ANKRD44: variants seen among roughly 807,000 people sequenced by gnomAD.
The protein encoded by ANKRD44 is ankyrin repeat domain 44.
Under a neutral mutation model 116.0 loss-of-function variants are expected in ANKRD44, and 35 were observed. The ratio of observed to expected loss-of-function variants is 0.30; its 90% CI spans 0.23 to 0.40. The LOEUF (loss-of-function observed/expected upper bound fraction) is 0.40. Ranked by LOEUF, ANKRD44 falls within the 10% of genes least tolerant of loss-of-function variation. The pLI, the probability that ANKRD44 is intolerant of heterozygous loss-of-function variation, is 1.00. For synonymous variants in ANKRD44, 435 were observed against 461.8 expected (o/e 0.94, Z 0.74); for missense variants, 1,014 against 1,242.6 (o/e 0.82, Z 2.77).
At chr2:197,136,199 TA>T in intron 4 of ANKRD44, 1 of 203,264 alleles carries the variant, frequency 4.9e-6, no homozygotes, top group Non-Finnish European at 1.0e-5. Context: ...CCTGGCCTGC[TA>T]AGTCCTTACT....
At chr2:197,075,804 C>T (rs2077653389) in intron 16 of ANKRD44, among the ~76,000 whole-genome samples, 1 of 152,184 alleles carries the variant, frequency 6.6e-6, no homozygotes, top group Non-Finnish European at 1.5e-5. Flanking sequence ...ACAGGAGCCA[C>T]AAACCATGAA....
chr2:197,278,438 C>G (rs1283846283), intron 1 of ANKRD44, among the ~76,000 whole-genome samples: 3 of 151,034 alleles, frequency 2.0e-5, no homozygotes, highest in Non-Finnish European at 4.4e-5. Context: ...CTCACTGCAA[C>G]CTCCACCTCC....
chr2:197,141,218 A>AATAC (rs1043282477), intron 3 of ANKRD44, among the ~76,000 whole-genome samples: 27 of 152,218 alleles, frequency 1.8e-4, no homozygotes, highest in Non-Finnish European at 2.8e-4. Flanking sequence ...CTCTATCTCA[A>AATAC]ATACATACAT....
chr2:197,256,540 A>G lies in ANKRD44; in HGVS notation c.27+54038T>C, dbSNP rs149341209. Among the ~76,000 whole-genome samples the G allele has an allele frequency of 3.9e-5, 6 of 152,344 alleles. 1 individual carries two copies. Among genetic ancestry groups the G allele is most frequent in the Non-Finnish European group, 8.8e-5 (6 of 68,030 alleles). On this transcript the variant is annotated intron_variant, in intron 1 of 27. Transcript: ENST00000282272. ...GTCTTTACACCAGGAAATAAATCAA[A>G]TTGAGACAGATGAACAGGAAAAAAA...
At chr2:197,105,626 C>T (rs888943758) in intron 9 of ANKRD44, among the ~76,000 whole-genome samples, 1 of 152,118 alleles carries the variant, frequency 6.6e-6, no homozygotes, top group African/African-American at 2.4e-5. Context: ...TGAGCATGTA[C>T]TAATTTTATA....
chr2:197,059,075 G>A (rs1235273475), intron 16 of ANKRD44, among the ~76,000 whole-genome samples: 1 of 152,068 alleles, frequency 6.6e-6, no homozygotes, highest in Non-Finnish European at 1.5e-5. Context: ...ATATTATCAT[G>A]GTGGTAATTT....
chr2:197,181,673 C>G (rs531863855), intron 2 of ANKRD44, among the ~76,000 whole-genome samples: 4 of 152,308 alleles, frequency 2.6e-5, no homozygotes, highest in African/African-American at 9.6e-5. Flanking sequence ...TATGTGCTAC[C>G]ATATTAGTCA....
chr2:196,994,472 C>T (rs532434649), intron 26 of ANKRD44: 3 of 151,902 alleles, frequency 2.0e-5, no homozygotes, highest in Admixed American at 1.3e-4. Flanking sequence ...AGGCATGAGC[C>T]ACGACACCCA....
In ANKRD44 at chr2:197,267,150, T is replaced by C. The variant is rs182318254; in HGVS notation, c.27+43428A>G. ...GCTATTTTAGGTAGACATCTTAAAATGTATAGTAGCATTCTTCCTTACCAT... is the reference window on the plus strand; with the variant it reads ...GCTATTTTAGGTAGACATCTTAAAACGTATAGTAGCATTCTTCCTTACCAT... On this transcript the variant is annotated intron_variant, in intron 1 of 27. Coordinates refer to ENST00000282272, the MANE Select transcript of ANKRD44 (RefSeq NM_001195144.2). Among the ~76,000 whole-genome samples the C allele has an allele frequency of 1.8e-3, 279 of 152,358 alleles. 1 individual carries two copies. The highest frequency in any genetic ancestry group is 3.0e-3 in the Non-Finnish European group (202 of 68,022).
At chr2:197,177,582 TTGTGTGTGTGTTTG>T (rs1559126824) in intron 2 of ANKRD44, among the ~76,000 whole-genome samples, 2 of 152,050 alleles carry the variant, frequency 1.3e-5, no homozygotes, top group Non-Finnish European at 2.9e-5. Context: ...TCTCGTGAGT[TTGTGTGTGTGTTTG>T]TGTGTGTGTG....
intron 4 of ANKRD44, among the ~76,000 whole-genome samples, chr2:197,130,788 G>GT (rs1042099604): frequency 1.3e-5 from 2 of 152,162 alleles, no homozygotes; most frequent in Non-Finnish European, 2.9e-5. Flanking sequence ...TAATGATCAT[G>GT]TTTTTTAGAG....
chr2:197,196,591 G>T (rs759753491), intron 1 of ANKRD44, among the ~76,000 whole-genome samples: 9 of 152,090 alleles, frequency 5.9e-5, no homozygotes, highest in Non-Finnish European at 1.3e-4. Context: ...AGAAATGAAA[G>T]GTACTCTCAG....
chr2:197,159,417 A>G (rs2079902949), intron 2 of ANKRD44, among the ~76,000 whole-genome samples: 1 of 152,182 alleles, frequency 6.6e-6, no homozygotes. Context: ...ACTTTGTTTG[A>G]CTGTGTTTCA....
intron 27 of ANKRD44, among the ~76,000 whole-genome samples, chr2:196,991,695 C>T (rs1289923566): frequency 6.6e-6 from 1 of 152,070 alleles, no homozygotes; most frequent in Non-Finnish European, 1.5e-5. Context: ...ATCCTCCCAC[C>T]TCAGCCTCCC....
chr2:197,201,798 A>G lies in ANKRD44; in HGVS notation c.28-14692T>C, dbSNP rs535782890. Among the ~76,000 whole-genome samples the G allele has an allele frequency of 3.9e-5, 6 of 152,322 alleles. No homozygotes were observed. Among genetic ancestry groups the G allele is most frequent in the African/African-American group, 1.4e-4 (6 of 41,564 alleles). ...GCCCAAGTAGTGAACATAGTGCCCCATAGGTAGTTTTTAATCTCTTGCCCT... is the reference window on the plus strand; with the variant it reads ...GCCCAAGTAGTGAACATAGTGCCCCGTAGGTAGTTTTTAATCTCTTGCCCT... On this transcript the variant is annotated intron_variant, in intron 1 of 27. Coordinates refer to ENST00000282272, the MANE Select transcript of ANKRD44 (RefSeq NM_001195144.2). This position sits in a 1 kb window ranked among gnomAD's most constrained non-coding sequence, Gnocchi z 4.0.
chr2:197,268,399 G>A (rs1307844885), intron 1 of ANKRD44, among the ~76,000 whole-genome samples: 2 of 152,208 alleles, frequency 1.3e-5, no homozygotes, highest in African/African-American at 2.4e-5. Flanking sequence ...CCAACTTTGG[G>A]TAAGAAAAGA....
intron 12 of ANKRD44, among the ~76,000 whole-genome samples, chr2:197,087,918 T>C (rs1187327428): frequency 1.3e-5 from 2 of 152,164 alleles, no homozygotes; most frequent in Non-Finnish European, 2.9e-5. Flanking sequence ...AAGGGACTCA[T>C]GTAAATAAGG....
intron 1 of ANKRD44, among the ~76,000 whole-genome samples, chr2:197,246,973 G>A (rs531503934): frequency 2.0e-5 from 3 of 152,024 alleles, no homozygotes; most frequent in East Asian, 1.9e-4. Context: ...CCAAACATTC[G>A]AGCCTGGCAA....
intron 2 of ANKRD44, among the ~76,000 whole-genome samples, chr2:197,179,159 T>C (rs2080443097): frequency 6.6e-6 from 1 of 152,270 alleles, no homozygotes; most frequent in South Asian, 2.1e-4. Flanking sequence ...TCTACTACTT[T>C]GTCTATTCCT....
Sources: gnomAD v4.1 joint callset for allele counts (sites outside exome capture counted in the v4.1 genomes callset) on GRCh38, gnomAD v4.1.1 for gene constraint, Gnocchi (gnomAD v3.1) non-coding constraint, MANE v1.5 for transcripts, NCBI Gene and HGNC (gene_info 2026-07-23, HGNC 2026-07-21) for gene names.